The following CNBD1 variants were observed in gnomAD, a reference collection of about 807,000 sequenced individuals.
The protein encoded by CNBD1 is cyclic nucleotide binding domain containing 1, also known as cyclic nucleotide-binding domain-containing protein 1.
CNBD1 carries 71 observed loss-of-function variants against 54.4 expected under a neutral mutation model. That is an observed-to-expected ratio of 1.30 (90% confidence interval 1.08 to 1.59). The LOEUF (loss-of-function observed/expected upper bound fraction) is 1.59, where lower values mean the gene tolerates loss of function less well. Ranked by LOEUF, CNBD1 falls within the 40% of genes most tolerant of loss-of-function variation. CNBD1 has a pLI of 0.00. For missense variants in CNBD1, 659 were observed against 518.0 expected (o/e 1.27, Z -2.64); for synonymous variants, 182 against 170.7 (o/e 1.07, Z -0.51).
At chr8:87,145,546 A>G (rs889898376) in intron 4 of CNBD1, among the ~76,000 whole-genome samples, 10 of 152,212 alleles carry the variant, frequency 6.6e-5, no homozygotes, top group African/African-American at 2.4e-4. Flanking sequence ...GTATAAAGTA[A>G]TAATGATAAG....
At chr8:87,002,801 G>A (rs1036156221) in intron 4 of CNBD1, among the ~76,000 whole-genome samples, 9 of 151,462 alleles carry the variant, frequency 5.9e-5, no homozygotes. Context: ...TATGTTTCTT[G>A]TTTATCTGTC....
chr8:86,939,160 C>G (rs1248840874), intron 3 of CNBD1, among the ~76,000 whole-genome samples: 2 of 151,824 alleles, frequency 1.3e-5, no homozygotes, highest in Non-Finnish European at 2.9e-5. Context: ...GGCTATCTTC[C>G]AAGATGTTTA....
At chr8:87,010,376 G>A (rs1809191497) in intron 4 of CNBD1, among the ~76,000 whole-genome samples, 1 of 151,996 alleles carries the variant, frequency 6.6e-6, no homozygotes, top group African/African-American at 2.4e-5. Context: ...TATCTAATAT[G>A]TGGTTAAATC....
intron 2 of CNBD1, among the ~76,000 whole-genome samples, chr8:86,900,813 TC>T (rs1336771456): frequency 6.6e-6 from 1 of 152,174 alleles, no homozygotes; most frequent in Non-Finnish European, 1.5e-5. Flanking sequence ...TTATGACTGA[TC>T]AATATCTCTC....
chr8:87,344,170 A>G (rs886797914), intron 8 of CNBD1, among the ~76,000 whole-genome samples: 1 of 152,090 alleles, frequency 6.6e-6, no homozygotes, highest in Non-Finnish European at 1.5e-5. Flanking sequence ...TTAACCCAAC[A>G]TAATGTGTCA....
At chr8:87,226,352 T>C (rs1323052077) in intron 5 of CNBD1, among the ~76,000 whole-genome samples, 3 of 150,812 alleles carry the variant, frequency 2.0e-5, no homozygotes, top group Non-Finnish European at 4.4e-5. Context: ...ATTTTGGATC[T>C]TTCCTGCTTT....
chr8:87,380,233 C>A (rs552334344), intron 10 of CNBD1, among the ~76,000 whole-genome samples: 1 of 151,920 alleles, frequency 6.6e-6, no homozygotes, highest in South Asian at 2.1e-4. Flanking sequence ...AATGTAATAG[C>A]TTCTCTACCT....
intron 4 of CNBD1, among the ~76,000 whole-genome samples, chr8:86,943,728 A>G (rs1807394049): frequency 6.6e-6 from 1 of 152,136 alleles, no homozygotes; most frequent in African/African-American, 2.4e-5. Flanking sequence ...CAGATTGAAT[A>G]TAAGCTTATC....
chr8:86,943,039 C>T (rs972919499), intron 4 of CNBD1, among the ~76,000 whole-genome samples: 1 of 150,970 alleles, frequency 6.6e-6, no homozygotes, highest in Non-Finnish European at 1.5e-5. Flanking sequence ...CACTTTGTCA[C>T]CCTGACTAAA....
At chr8:87,037,962 A>G (rs932157558) in intron 4 of CNBD1, among the ~76,000 whole-genome samples, 17 of 152,198 alleles carry the variant, frequency 1.1e-4, no homozygotes, top group African/African-American at 3.4e-4. Flanking sequence ...CTTAGTATAA[A>G]CTTTCAGTCT....
intron 6 of CNBD1, among the ~76,000 whole-genome samples, chr8:87,248,088 A>G (rs1043314903): frequency 7.2e-5 from 11 of 152,300 alleles, no homozygotes; most frequent in African/African-American, 2.6e-4. Context: ...TTGGTTGGCC[A>G]AAAAATTGCC....
intron 4 of CNBD1, among the ~76,000 whole-genome samples, chr8:87,180,443 A>G (rs1023722046): frequency 1.3e-5 from 2 of 152,120 alleles, no homozygotes; most frequent in African/African-American, 4.8e-5. Flanking sequence ...TTTCTCACCT[A>G]TTATTGGCAT....
rs965014165 is a variant in CNBD1 at position 87,345,390 on chromosome 8, T to C, written c.1043-6295T>C. On this transcript the variant is annotated intron_variant, in intron 8 of 10. Coordinates refer to ENST00000518476, the MANE Select transcript of CNBD1 (RefSeq NM_173538.3). ...TAGCATCTAATCAGTCATTTGGTAC[T>C]GCTATCTAAATTCTTTTTTGGTGCT... Among the ~76,000 whole-genome samples, 6 of 152,324 alleles carry C rather than the reference T, an allele frequency of 3.9e-5. 1 individual carries two copies. The highest frequency in any genetic ancestry group is 1.3e-4 in the Admixed American group (2 of 15,308).
intron 4 of CNBD1, among the ~76,000 whole-genome samples, chr8:86,986,185 C>T (rs1243523742): frequency 6.6e-6 from 1 of 152,136 alleles, no homozygotes; most frequent in Non-Finnish European, 1.5e-5. Context: ...GCCTCAGCCT[C>T]CCAAAGTGCT....
Position 87,236,960 on chromosome 8 carries a change from G to A in CNBD1, c.619G>A (p.Ala207Thr). The A allele has an allele frequency of 6.2e-7, 1 of 1,611,412 alleles. No homozygotes were observed. The highest frequency in any genetic ancestry group is 8.5e-7 in the Non-Finnish European group (1 of 1,178,410). ...ATTTTATGTAATACTGAAAGGCCTAGCTCGACCTCAAACAAACGTGTATAA... is the reference window on the plus strand; with the variant it reads ...ATTTTATGTAATACTGAAAGGCCTAACTCGACCTCAAACAAACGTGTATAA... ...DGFYVILKGL[A>T]RPQTNVYKNL... Residue 207 changes from alanine to threonine, a missense_variant, in exon 6 of 11, where the codon GCT (alanine) becomes ACT (threonine). Ala to Thr is a moderately conservative substitution (Grantham distance 58, BLOSUM62 0). Transcript: ENST00000518476.
chr8:86,995,667 G>T (rs1337720855), intron 4 of CNBD1, among the ~76,000 whole-genome samples: 2 of 150,280 alleles, frequency 1.3e-5, no homozygotes, highest in East Asian at 2.0e-4. Flanking sequence ...GGGCATATTT[G>T]GACAGCAGTG....
intron 8 of CNBD1, among the ~76,000 whole-genome samples, chr8:87,323,864 C>T (rs1217723099): frequency 1.5e-5 from 2 of 133,366 alleles, no homozygotes; most frequent in Admixed American, 1.5e-4. Flanking sequence ...TGAGAGAGGG[C>T]ATCTCTGTCT....
At chr8:87,148,580 G>A (rs1044074231) in intron 4 of CNBD1, among the ~76,000 whole-genome samples, 3 of 152,110 alleles carry the variant, frequency 2.0e-5, no homozygotes, top group African/African-American at 7.2e-5. Context: ...TCTAGAAACA[G>A]GCATAGACTA....
At chr8:87,376,485 C>A (rs985635435) in intron 10 of CNBD1, among the ~76,000 whole-genome samples, 2 of 151,884 alleles carry the variant, frequency 1.3e-5, no homozygotes, top group Non-Finnish European at 2.9e-5. Context: ...TAGCCCATGA[C>A]ACATGCTAAC....
Sources: allele counts gnomAD v4.1 joint callset (sites outside exome capture counted in the v4.1 genomes callset), GRCh38; gene constraint gnomAD v4.1.1; transcripts MANE v1.5; gene names NCBI Gene and HGNC (gene_info 2026-07-23, HGNC 2026-07-21).